Variants in ANKS1B observed in about 807,000 individuals in gnomAD.
ANKS1B encodes ankyrin repeat and sterile alpha motif domain-containing protein 1B.
ANKS1B carries 36 observed loss-of-function variants against 148.3 expected under a neutral mutation model. That is an observed-to-expected ratio of 0.24 (90% CI 0.19 to 0.32). The LOEUF (loss-of-function observed/expected upper bound fraction) is 0.32, where lower values mean the gene tolerates loss of function less well. ANKS1B is among the 10% of genes least tolerant of loss of function. ANKS1B has a pLI of 1.00. For missense variants in ANKS1B, 1,157 were observed against 1,542.6 expected (o/e 0.75, Z 4.19); for synonymous variants, 542 against 560.8 (o/e 0.97, Z 0.47).
At position 99,681,883 on chromosome 12, in the gene ANKS1B, C is replaced by T. The variant is rs898378021; in HGVS notation, c.1129-26673G>A. ...AAATAATTCAGAAGGTCACCTAACACATAAGGACTCACATAAACTTAAGGA... is the reference window on the plus strand; with the variant it reads ...AAATAATTCAGAAGGTCACCTAACATATAAGGACTCACATAAACTTAAGGA... On this transcript the variant is annotated intron_variant, in intron 8 of 26. Coordinates refer to ENST00000683438, the MANE Select transcript of ANKS1B (RefSeq NM_001352186.2). Among the ~76,000 whole-genome samples, 4 of 152,176 alleles carry T rather than the reference C, an allele frequency of 2.6e-5. No individual in the cohort carries two copies. In the East Asian group the frequency reaches 7.7e-4, roughly 29 times the overall value.
chr12:98,936,908 G>C (rs2099819275), intron 17 of ANKS1B, among the ~76,000 whole-genome samples: 1 of 152,224 alleles, frequency 6.6e-6, no homozygotes, highest in African/African-American at 2.4e-5. Context: ...GATGATGTGG[G>C]ATGGTAGGTG....
At chr12:99,364,590 C>A (rs1321196354) in intron 12 of ANKS1B, among the ~76,000 whole-genome samples, 1 of 152,110 alleles carries the variant, frequency 6.6e-6, no homozygotes, top group Non-Finnish European at 1.5e-5. Flanking sequence ...TATCATGCAC[C>A]CTGTGGATTC....
At chr12:99,846,793 A>G (rs983679991) in intron 1 of ANKS1B, among the ~76,000 whole-genome samples, 2 of 152,150 alleles carry the variant, frequency 1.3e-5, no homozygotes, top group African/African-American at 4.8e-5. Flanking sequence ...AGTCTTTAGG[A>G]GATATAAAGA....
At chr12:99,428,132 A>T (rs570991837) in intron 11 of ANKS1B, among the ~76,000 whole-genome samples, 1 of 152,304 alleles carries the variant, frequency 6.6e-6, no homozygotes, top group African/African-American at 2.4e-5. Context: ...GGAGTCTGGC[A>T]TTGGGTGAGT....
At chr12:98,935,439 T>C (rs2099817687) in intron 17 of ANKS1B, among the ~76,000 whole-genome samples, 1 of 152,210 alleles carries the variant, frequency 6.6e-6, no homozygotes, top group South Asian at 2.1e-4. Context: ...TTTTCTCTTC[T>C]TTTGTACTGT....
chr12:99,788,114 T>C (rs2065196483), intron 4 of ANKS1B, among the ~76,000 whole-genome samples: 1 of 152,156 alleles, frequency 6.6e-6, no homozygotes, highest in Non-Finnish European at 1.5e-5. Flanking sequence ...GTAGACAAGA[T>C]TGGCGCATGA....
intron 14 of ANKS1B, among the ~76,000 whole-genome samples, chr12:99,170,877 G>A (rs2077682433): frequency 6.6e-6 from 1 of 152,160 alleles, no homozygotes; most frequent in Non-Finnish European, 1.5e-5. Flanking sequence ...GGCAAAGACA[G>A]GATGATTCTT....
chr12:99,581,314 G>C (rs1048214185), intron 9 of ANKS1B, among the ~76,000 whole-genome samples: 1 of 152,028 alleles, frequency 6.6e-6, no homozygotes, highest in Non-Finnish European at 1.5e-5. Flanking sequence ...GGAAAATAAT[G>C]AAATTTTCAA....
At chr12:99,468,589 A>C (rs1310233019) in intron 10 of ANKS1B, among the ~76,000 whole-genome samples, 2 of 152,228 alleles carry the variant, frequency 1.3e-5, no homozygotes, top group African/African-American at 4.8e-5. Context: ...AAACAAATTT[A>C]CAAGAACAAA....
chr12:98,787,451 T>C (rs1421451877), intron 22 of ANKS1B, among the ~76,000 whole-genome samples: 1 of 152,222 alleles, frequency 6.6e-6, no homozygotes, highest in Non-Finnish European at 1.5e-5. Context: ...GTCTTCACTG[T>C]AATGACTAGC....
At chr12:99,921,158 G>A (rs187995851) in intron 1 of ANKS1B, among the ~76,000 whole-genome samples, 30 of 152,198 alleles carry the variant, frequency 2.0e-4, no homozygotes, top group African/African-American at 6.5e-4. Flanking sequence ...CCCATGTGTC[G>A]AGGAAGGACC....
At chr12:99,206,969 C>T (rs2082744676) in intron 14 of ANKS1B, among the ~76,000 whole-genome samples, 1 of 152,172 alleles carries the variant, frequency 6.6e-6, no homozygotes, top group Non-Finnish European at 1.5e-5. Flanking sequence ...TTCCCACCTA[C>T]ATCTTTCTTT....
chr12:99,963,709 G>C (rs1267792260), intron 1 of ANKS1B, among the ~76,000 whole-genome samples: 1 of 152,138 alleles, frequency 6.6e-6, no homozygotes, highest in African/African-American at 2.4e-5. Context: ...CTTAAAGCTT[G>C]GGAAATTCCC....
At chr12:99,217,055 C>T (rs1480632520) in intron 14 of ANKS1B, among the ~76,000 whole-genome samples, 1 of 152,206 alleles carries the variant, frequency 6.6e-6, no homozygotes, top group African/African-American at 2.4e-5. Context: ...ACAAAAATAA[C>T]ATGGGCCCTG....
At position 98,799,023 on chromosome 12, in the gene ANKS1B, T is replaced by A. The variant is rs2098977253; in HGVS notation, c.3271-18A>T. The A allele has an allele frequency of 6.4e-7, 1 of 1,559,396 alleles. No homozygotes were observed. The highest frequency in any genetic ancestry group is 8.7e-7 in the Non-Finnish European group (1 of 1,144,752). On this transcript the variant is annotated intron_variant, in intron 21 of 26. Coordinates refer to ENST00000683438, the MANE Select transcript of ANKS1B (RefSeq NM_001352186.2). ...CCTAAATACTAAAATACAAAAAAAA[T>A]TCAATGATTTATGAAATGGAATATA...
intron 1 of ANKS1B, among the ~76,000 whole-genome samples, chr12:99,905,182 T>C (rs1250130565): frequency 6.6e-6 from 1 of 152,188 alleles, no homozygotes; most frequent in Non-Finnish European, 1.5e-5. Flanking sequence ...AATTGTTGGA[T>C]TACTCTGACT....
chr12:99,751,611 C>T lies in ANKS1B; in HGVS notation c.1128+21311G>A, dbSNP rs546625496. 2.0e-5 allele frequency among the ~76,000 whole-genome samples: 3 copies of T among 152,114 alleles called. No homozygotes were observed. In the South Asian group the frequency reaches 6.2e-4, roughly 32 times the overall value. On this transcript the variant is annotated intron_variant, in intron 8 of 26. Coordinates refer to ENST00000683438, the MANE Select transcript of ANKS1B (RefSeq NM_001352186.2). ...CCCACCCATTCATTCTTCTTTTGTT[C>T]ATTGATTCAAAAATTGCATATTGGT...
chr12:98,927,223 A>G (rs1446221739), intron 17 of ANKS1B, among the ~76,000 whole-genome samples: 1 of 152,158 alleles, frequency 6.6e-6, no homozygotes, highest in African/African-American at 2.4e-5. Context: ...TGACCTATTC[A>G]AAGTGCCAAG....
intron 17 of ANKS1B, among the ~76,000 whole-genome samples, chr12:98,996,195 G>T (rs1227185645): frequency 6.6e-6 from 1 of 151,958 alleles, no homozygotes; most frequent in Admixed American, 6.6e-5. Flanking sequence ...AGACCTGAAA[G>T]GGTCAAACTG....
Sources: gnomAD v4.1 joint callset for allele counts (sites outside exome capture counted in the v4.1 genomes callset) on GRCh38, gnomAD v4.1.1 for gene constraint, MANE v1.5 for transcripts, NCBI Gene and HGNC (gene_info 2026-07-23, HGNC 2026-07-21) for gene names.